L3MBTL4: variants seen among roughly 807,000 people sequenced by gnomAD.
The protein encoded by L3MBTL4 is L3MBTL histone methyl-lysine binding protein 4, also known as lethal(3)malignant brain tumor-like protein 4.
A neutral mutation model predicts 84.5 loss-of-function variants in L3MBTL4; 70 were observed. The observed-to-expected ratio is 0.83, with a 90% CI of 0.68 to 1.01. L3MBTL4 has a LOEUF of 1.01. L3MBTL4 is among the 50% of genes least tolerant of loss of function. L3MBTL4 has a pLI of 0.00. For missense variants in L3MBTL4, 715 were observed against 754.8 expected, an observed-to-expected ratio of 0.95 and a Z score of 0.62; for synonymous variants, 274 against 259.8, an observed-to-expected ratio of 1.05 and a Z score of -0.52.
chr18:6,160,704 T>G (rs1397237938), intron 13 of L3MBTL4, among the ~76,000 whole-genome samples: 1 of 148,426 alleles, frequency 6.7e-6, no homozygotes, highest in Admixed American at 6.7e-5. Flanking sequence ...ACACCCCAGC[T>G]TGGGTGACGA....
At chr18:5,984,019 C>A (rs1002359920) in intron 16 of L3MBTL4, among the ~76,000 whole-genome samples, 7 of 152,272 alleles carry the variant, frequency 4.6e-5, no homozygotes, top group African/African-American at 1.7e-4. Context: ...TCAAGCAATT[C>A]TCCTGCCTCA....
chr18:6,197,464 T>C (rs897126666), intron 12 of L3MBTL4, among the ~76,000 whole-genome samples: 21 of 152,260 alleles, frequency 1.4e-4, no homozygotes, highest in African/African-American at 4.8e-4. Context: ...TATGGCTGCA[T>C]AGTATTCCAT....
chr18:6,063,045 C>T (rs971689719), intron 16 of L3MBTL4, among the ~76,000 whole-genome samples: 2 of 151,894 alleles, frequency 1.3e-5, no homozygotes, highest in African/African-American at 4.8e-5. Context: ...TCTTTGCATC[C>T]TCATAGCTTA....
At chr18:6,120,886 G>A (rs1430197875) in intron 14 of L3MBTL4, among the ~76,000 whole-genome samples, 1 of 152,162 alleles carries the variant, frequency 6.6e-6, no homozygotes, top group Admixed American at 6.5e-5. Flanking sequence ...TGTTTGGGTA[G>A]ATTCAAGTAG....
chr18:6,060,608 T>C (rs989179746), intron 16 of L3MBTL4, among the ~76,000 whole-genome samples: 3 of 152,146 alleles, frequency 2.0e-5, no homozygotes, highest in African/African-American at 4.8e-5. Flanking sequence ...CTAAAAGTCC[T>C]TAGTTTACAT....
At chr18:6,108,733 T>C (rs1046516959) in intron 14 of L3MBTL4, among the ~76,000 whole-genome samples, 3 of 152,182 alleles carry the variant, frequency 2.0e-5, no homozygotes. Flanking sequence ...TTGGGGTACA[T>C]GTGGCTCTCC....
At chr18:6,210,579 T>C (rs1262716004) in intron 12 of L3MBTL4, among the ~76,000 whole-genome samples, 1 of 152,206 alleles carries the variant, frequency 6.6e-6, no homozygotes, top group African/African-American at 2.4e-5. Flanking sequence ...CAACAGTACC[T>C]TATTTCACAT....
At chr18:6,051,336 C>G (rs553009741) in intron 16 of L3MBTL4, among the ~76,000 whole-genome samples, 1 of 152,216 alleles carries the variant, frequency 6.6e-6, no homozygotes, top group East Asian at 1.9e-4. Flanking sequence ...GTCAGGAGTT[C>G]GAGACCAGCC....
At chr18:6,320,284 T>C (rs1338931588) in intron 1 of L3MBTL4, among the ~76,000 whole-genome samples, 2 of 152,046 alleles carry the variant, frequency 1.3e-5, no homozygotes, top group African/African-American at 4.8e-5. Context: ...ATTGGAATCA[T>C]AGCCATAGCA....
chr18:6,090,099 A>T (rs1209444305), intron 15 of L3MBTL4, among the ~76,000 whole-genome samples: 2 of 152,200 alleles, frequency 1.3e-5, no homozygotes, highest in Non-Finnish European at 2.9e-5. Flanking sequence ...CCTCCATTTA[A>T]TGCACCACGA....
intron 16 of L3MBTL4, chr18:6,031,525 T>C: frequency 1.0e-6 from 1 of 983,754 alleles, no homozygotes; most frequent in Non-Finnish European, 1.2e-6. Flanking sequence ...CATCTGTTTG[T>C]CAGGAATTTA....
Position 6,263,989 on chromosome 18 carries a change from T to C in L3MBTL4, c.177A>G (p.Lys59=), listed in dbSNP as rs1226196820. 7.4e-6 allele frequency: 12 copies of C among 1,614,030 alleles called. No individual in the cohort carries two copies. The Admixed American group carries it at 2.0e-4, about 27-fold the overall frequency. The change falls in exon 5 of 19, where the codon AAA becomes AAG. Residue 59 remains lysine, a synonymous_variant. Transcript: ENST00000317931. ...CAGGTGCTGCGACAGCCTTCTGTTC[T>C]TTCAAGTACCACTCCCAAGACCATG... ...QGAWSWEWYL[K]EQKAVAAPVE...
rs984035292 is a variant in L3MBTL4 at position 6,235,225 on chromosome 18, G to A, written c.784+2739C>T. On this transcript the variant is annotated intron_variant, in intron 10 of 18. Coordinates refer to ENST00000317931, the MANE Select transcript of L3MBTL4 (RefSeq NM_001330559.2). The stretch of plus-strand genomic sequence containing the variant: ...AGGAGAAATACCTAATGTAAATGAC[G>A]AGTTAATGGGTGCAGCAAATCAACA... 3.3e-5 allele frequency among the ~76,000 whole-genome samples: 5 copies of A among 152,216 alleles called. 1 individual carries two copies. Among genetic ancestry groups the A allele is most frequent in the Admixed American group, 2.0e-4 (3 of 15,274 alleles).
intron 1 of L3MBTL4, among the ~76,000 whole-genome samples, chr18:6,393,369 C>A (rs1326641954): frequency 6.6e-6 from 1 of 152,144 alleles, no homozygotes; most frequent in Non-Finnish European, 1.5e-5. Flanking sequence ...TTCTATGCCA[C>A]CTAATTCTCA....
intron 12 of L3MBTL4, among the ~76,000 whole-genome samples, chr18:6,178,557 C>T (rs908739002): frequency 1.3e-5 from 2 of 152,146 alleles, no homozygotes; most frequent in East Asian, 3.8e-4. Context: ...TTATTTTTCA[C>T]ATATCTGGGT....
At chr18:6,348,228 C>T (rs61267978) in intron 1 of L3MBTL4, among the ~76,000 whole-genome samples, 29,781 of 151,754 alleles carry the variant, frequency 0.2, 3,683 homozygotes, top group African/African-American at 0.36. Flanking sequence ...CCCAAACTGA[C>T]CTGCTAAAAA....
intron 4 of L3MBTL4, among the ~76,000 whole-genome samples, chr18:6,273,567 T>C (rs928559961): frequency 3.3e-5 from 5 of 151,154 alleles, no homozygotes; most frequent in African/African-American, 1.2e-4. Context: ...CAGGGGACTT[T>C]CTCCAACAGC....
chr18:6,145,955 G>C (rs74915819), intron 13 of L3MBTL4, among the ~76,000 whole-genome samples: 2,183 of 152,292 alleles, frequency 0.014, 52 homozygotes, highest in African/African-American at 0.05. Flanking sequence ...GGGTAAGGAA[G>C]AGACAGTGAG....
chr18:6,060,469 C>T (rs1048438261), intron 16 of L3MBTL4, among the ~76,000 whole-genome samples: 4 of 151,154 alleles, frequency 2.6e-5, no homozygotes, highest in Admixed American at 2.0e-4. Context: ...ATTTAACAGA[C>T]AGTACAGAGA....
Sources: gnomAD v4.1 joint callset for allele counts (sites outside exome capture counted in the v4.1 genomes callset) on GRCh38, gnomAD v4.1.1 for gene constraint, MANE v1.5 for transcripts, NCBI Gene and HGNC (gene_info 2026-07-23, HGNC 2026-07-21) for gene names.